TRIM13: variants seen among roughly 807,000 people sequenced by gnomAD.
The protein encoded by TRIM13 is tripartite motif containing 13, also known as E3 ubiquitin-protein ligase TRIM13.
A neutral mutation model predicts 27.1 loss-of-function variants in TRIM13; 15 were observed. That is an observed-to-expected ratio of 0.55 (90% CI 0.37 to 0.85). The LOEUF is 0.85. Among genes scored for constraint, TRIM13 ranks in the 40% least tolerant of loss-of-function variants. The pLI is 0.00. For synonymous variants in TRIM13, 193 were observed against 171.5 expected (o/e 1.13, Z -0.98); for missense variants, 402 against 472.2 (o/e 0.85, Z 1.38).
rs1875903087 is a variant in TRIM13 at position 50,013,335 on chromosome 13, A to T, written c.*171A>T. On this transcript the variant is annotated 3_prime_UTR_variant, in exon 2 of 2. Transcript: ENST00000378182. Reference sequence around the variant, plus strand: ...TAGCATAAAGATAAAAGTGAAATTTAGTAGTATAGGCCTGAACCTTTTTTT... The same window carrying T: ...TAGCATAAAGATAAAAGTGAAATTTTGTAGTATAGGCCTGAACCTTTTTTT... 1 of 684,780 alleles carries T rather than the reference A, an allele frequency of 1.5e-6. No individual in the cohort carries two copies. The highest frequency in any genetic ancestry group is 3.1e-5 in the East Asian group (1 of 32,290). 42.4% of individuals were successfully genotyped at this position (684,780 alleles called of 1,614,324 possible). A position where few individuals can be genotyped will look rare whatever the true frequency, so the allele number is the denominator to read the frequency against.
At position 50,014,344 on chromosome 13, in the gene TRIM13, A is replaced by AAAAAAAT. The variant is rs1555325057; in HGVS notation, c.*1181_*1182insAAAAATA. The AAAAAAAT allele has an allele frequency of 4.1e-4, 8 of 19,728 alleles. No individual in the cohort carries two copies. Among genetic ancestry groups the AAAAAAAT allele is most frequent in the Non-Finnish European group, 5.8e-4 (7 of 12,100 alleles). 1.2% of individuals were successfully genotyped at this position (19,728 alleles called of 1,614,324 possible). ...AAAAAAAAAAAAAAAAAAAAAAAAA[A>AAAAAAAT]ATATATATATATATATACACACACA... On this transcript the variant is annotated 3_prime_UTR_variant, in exon 2 of 2. Transcript: ENST00000378182.
At chr13:50,003,934 TAAA>T (rs1874357132) in intron 1 of TRIM13, among the ~76,000 whole-genome samples, 1 of 152,250 alleles carries the variant, frequency 6.6e-6, no homozygotes, top group Admixed American at 6.5e-5. Context: ...CTGGATACTT[TAAA>T]AAGTTGTCAG....
rs1250874377 is a variant in TRIM13, at chr13:50,015,911, A to G, written c.*2747A>G. The G allele has an allele frequency of 2.5e-6, 4 of 1,613,938 alleles. No homozygotes were observed. In the African/African-American group the frequency reaches 5.3e-5, roughly 22 times the overall value. On this transcript the variant is annotated 3_prime_UTR_variant, in exon 2 of 2. Transcript: ENST00000378182. ...AACAATTGAGATGCTAACAGGGAGG[A>G]TTACAGTGTTTACAGAACAACCTTC...
intron 1 of TRIM13, among the ~76,000 whole-genome samples, chr13:50,009,764 A>G (rs1295255673): frequency 6.7e-6 from 1 of 150,072 alleles, no homozygotes; most frequent in Non-Finnish European, 1.5e-5. Context: ...AAAAACAACA[A>G]CAACAAAAAA....
chr13:50,014,208 G>A lies in TRIM13; in HGVS notation c.*1044G>A, dbSNP rs1048174719. 1.3e-5 allele frequency: 2 copies of A among 159,310 alleles called. No individual in the cohort carries two copies. Among genetic ancestry groups the A allele is most frequent in the East Asian group, 2.2e-4 (1 of 4,604 alleles). The allele number at this position is 159,310 out of a possible 1,614,324, so 9.9% of individuals were successfully genotyped here. On this transcript the variant is annotated 3_prime_UTR_variant, in exon 2 of 2. Coordinates refer to ENST00000378182, the MANE Select transcript of TRIM13 (RefSeq NM_213590.3). ...CAGCTGGCTGGGCAGGGTGGCTCAT[G>A]TCTATAATCTCAGCATTCTAGGACA...
Position 50,015,253 on chromosome 13 carries a change from T to C in TRIM13, c.*2089T>C, listed in dbSNP as rs1010572185. On this transcript the variant is annotated 3_prime_UTR_variant, in exon 2 of 2. Coordinates refer to ENST00000378182, the MANE Select transcript of TRIM13 (RefSeq NM_213590.3). The stretch of plus-strand genomic sequence containing the variant: ...TATTGGCAGTTTTCCTTAAGCTATT[T>C]AGTTCCTCATCTGTTGCTTTTTCAT... 5.4e-5 allele frequency: 20 copies of C among 371,426 alleles called. No individual in the cohort carries two copies. Among genetic ancestry groups the C allele is most frequent in the African/African-American group, 4.0e-4 (19 of 47,358 alleles). 23.0% of individuals were successfully genotyped at this position (371,426 alleles called of 1,614,324 possible).
intron 1 of TRIM13, among the ~76,000 whole-genome samples, chr13:50,000,350 G>T (rs1342567264): frequency 6.6e-6 from 1 of 152,108 alleles, no homozygotes; most frequent in Non-Finnish European, 1.5e-5. Flanking sequence ...TGTCCTTACT[G>T]TTTGACCCAG....
At chr13:50,010,439 G>C (rs1196562721) in intron 1 of TRIM13, among the ~76,000 whole-genome samples, 4 of 152,166 alleles carry the variant, frequency 2.6e-5, no homozygotes, top group Non-Finnish European at 5.9e-5. Flanking sequence ...TTATGAACCT[G>C]TTGGTCTTTC....
chr13:50,009,152 G>C (rs1459430191), intron 1 of TRIM13, among the ~76,000 whole-genome samples: 1 of 150,684 alleles, frequency 6.6e-6, no homozygotes, highest in Non-Finnish European at 1.5e-5. Context: ...CCCATTACAA[G>C]TTAACAAATA....
At chr13:50,008,904 C>G (rs965754179) in intron 1 of TRIM13, among the ~76,000 whole-genome samples, 2 of 150,038 alleles carry the variant, frequency 1.3e-5, no homozygotes, top group Non-Finnish European at 3.0e-5. Context: ...TGGTGCGTGC[C>G]TGTAGTCCCA....
rs1042503786 is a variant in TRIM13 at position 50,016,955 on chromosome 13, C to G, written c.*3791C>G. On this transcript the variant is annotated 3_prime_UTR_variant, in exon 2 of 2. Transcript: ENST00000378182. ...ACAGGAAGGATACCAGTGTCTCTCTCTCTTAGCGACACACTCCTTGGTCTT... is the reference window on the plus strand; with the variant it reads ...ACAGGAAGGATACCAGTGTCTCTCTGTCTTAGCGACACACTCCTTGGTCTT... 2 of 165,970 alleles carry G rather than the reference C, an allele frequency of 1.2e-5. No homozygotes were observed. The highest frequency in any genetic ancestry group is 1.9e-4 in the East Asian group (1 of 5,166). 10.3% of individuals were successfully genotyped at this position (165,970 alleles called of 1,614,324 possible).
intron 1 of TRIM13, among the ~76,000 whole-genome samples, chr13:50,010,804 T>TA (rs746638701): frequency 1.1e-4 from 17 of 152,198 alleles, no homozygotes; most frequent in Non-Finnish European, 2.5e-4. Context: ...TGAATAGCCA[T>TA]AGTTTATCAT....
chr13:49,999,604 C>G (rs974947260), intron 1 of TRIM13, among the ~76,000 whole-genome samples: 5 of 152,244 alleles, frequency 3.3e-5, no homozygotes, highest in African/African-American at 1.2e-4. Flanking sequence ...TGGTCTTGAA[C>G]TGGGCTCAAG....
chr13:50,011,914 A>ATT, intron 1 of TRIM13, 21 bp from the exon 2 acceptor site: 1 of 1,554,434 alleles, frequency 6.4e-7, no homozygotes. Flanking sequence ...GGAGTAAAAT[A>ATT]ATTTTTTTTT....
rs187202971 is a variant in TRIM13, at chr13:49,997,707, T to G, written c.-63T>G. ...TAGTCAAAACGTGAAAAAAAAGACC[T>G]GCTTTGCCCTGGGAAATAGTAACCC... On this transcript the variant is annotated 5_prime_UTR_variant, in exon 1 of 2. Transcript: ENST00000378182. 1 of 152,340 alleles carries G rather than the reference T, an allele frequency of 6.6e-6. No homozygotes were observed. The highest frequency in any genetic ancestry group is 2.4e-5 in the African/African-American group (1 of 41,580). The allele number at this position is 152,340 out of a possible 1,614,324, so 9.4% of individuals were successfully genotyped here.
chr13:50,015,087 AAAAAAAAATATATATATATATAT>A lies in TRIM13; in HGVS notation c.*1925_*1947del, dbSNP rs1455920186. Reference sequence around the variant, plus strand: ...CCCCTCCCAGTAATAAAAAAAAAAAAAAAAAAAATATATATATATATATATATATATATATATATATATATATA... The same window carrying A: ...CCCCTCCCAGTAATAAAAAAAAAAAAATATATATATATATATATATATATA... On this transcript the variant is annotated 3_prime_UTR_variant, in exon 2 of 2. Coordinates refer to ENST00000378182, the MANE Select transcript of TRIM13 (RefSeq NM_213590.3). The A allele has an allele frequency of 7.3e-5, 4 of 54,798 alleles. 1 individual carries two copies. Among genetic ancestry groups the A allele is most frequent in the East Asian group, 8.2e-4 (2 of 2,432 alleles). The allele number at this position is 54,798 out of a possible 1,614,324, so 3.4% of individuals were successfully genotyped here. A position where few individuals can be genotyped will look rare whatever the true frequency, so the allele number is the denominator to read the frequency against.
rs1169096213 is a variant in TRIM13 at position 50,013,451 on chromosome 13, A to C, written c.*287A>C. ...AAATAGGTGAGAGATCATATGATCT[A>C]ATATTGTATTGATGGAAGTATAGGT... On this transcript the variant is annotated 3_prime_UTR_variant, in exon 2 of 2. Coordinates refer to ENST00000378182, the MANE Select transcript of TRIM13 (RefSeq NM_213590.3). 3.9e-6 allele frequency: 1 copy of C among 256,340 alleles called. No homozygotes were observed. Among genetic ancestry groups the C allele is most frequent in the Non-Finnish European group, 8.0e-6 (1 of 125,568 alleles). 15.9% of individuals were successfully genotyped at this position (256,340 alleles called of 1,614,324 possible). A position where few individuals can be genotyped will look rare whatever the true frequency, so the allele number is the denominator to read the frequency against.
chr13:50,011,107 C>T (rs1446553026), intron 1 of TRIM13, among the ~76,000 whole-genome samples: 4 of 152,216 alleles, frequency 2.6e-5, no homozygotes, highest in Admixed American at 2.6e-4. Context: ...TACAGCTTTG[C>T]TCGATCCCTC....
In TRIM13 at chr13:50,015,085, AAAAAAAAAAATATATATATAT is replaced by A. The variant is rs1876234790; in HGVS notation, c.*1923_*1943del. The A allele has an allele frequency of 5.0e-5, 3 of 59,616 alleles. No individual in the cohort carries two copies. The highest frequency in any genetic ancestry group is 1.1e-4 in the Non-Finnish European group (3 of 28,516). The allele number at this position is 59,616 out of a possible 1,614,324, so 3.7% of individuals were successfully genotyped here. On this transcript the variant is annotated 3_prime_UTR_variant, in exon 2 of 2. Transcript: ENST00000378182. The stretch of plus-strand genomic sequence containing the variant: ...TTCCCCTCCCAGTAATAAAAAAAAA[AAAAAAAAAAATATATATATAT>A]ATATATATATATATATATATATATA...
Sources: gnomAD v4.1 joint callset for allele counts (sites outside exome capture counted in the v4.1 genomes callset) on GRCh38, gnomAD v4.1.1 for gene constraint, MANE v1.5 for transcripts, NCBI Gene and HGNC (gene_info 2026-07-23, HGNC 2026-07-21) for gene names.